The following ARL15 variants were observed in gnomAD, a reference collection of about 807,000 sequenced individuals.
The protein encoded by ARL15 is ARF like GTPase 15.
ARL15 carries 19 observed loss-of-function variants against 25.2 expected under a neutral mutation model. The observed-to-expected ratio is 0.75, with a 90% CI of 0.53 to 1.10. ARL15 has a LOEUF of 1.10. Among genes scored for constraint, ARL15 ranks in the 50% least tolerant of loss-of-function variants. The pLI, the probability that ARL15 is intolerant of heterozygous loss-of-function variation, is 0.00. For synonymous variants in ARL15, 94 were observed against 86.8 expected (o/e 1.08, Z -0.46); for missense variants, 220 against 246.0 (o/e 0.89, Z 0.71).
Position 54,055,290 on chromosome 5 carries a change from A to G in ARL15, c.462+57912T>C, listed in dbSNP as rs574139118. Among the ~76,000 whole-genome samples the G allele has an allele frequency of 9.2e-4, 137 of 149,650 alleles. 1 individual carries two copies. Among genetic ancestry groups the G allele is most frequent in the Admixed American group, 1.9e-3 (29 of 15,044 alleles). ...TGGCCTTTTGTAAATGACTTTCTTC[A>G]CTTAGCATAATGTTTCCAAGGTTCA... is the stretch of plus-strand genomic sequence containing the variant. On this transcript the variant is annotated intron_variant, in intron 4 of 4. Coordinates refer to ENST00000504924, the MANE Select transcript of ARL15 (RefSeq NM_019087.3).
chr5:53,920,194 T>C (rs1400651729), intron 4 of ARL15, among the ~76,000 whole-genome samples: 2 of 152,196 alleles, frequency 1.3e-5, no homozygotes, highest in Admixed American at 1.3e-4. Flanking sequence ...GGGGTCTATT[T>C]TACCCAAATT....
chr5:53,965,426 C>T (rs895276995), intron 4 of ARL15, among the ~76,000 whole-genome samples: 10 of 152,224 alleles, frequency 6.6e-5, no homozygotes, highest in African/African-American at 2.2e-4. Flanking sequence ...TGATTGACAA[C>T]AGTTGACATT....
intron 1 of ARL15, among the ~76,000 whole-genome samples, chr5:54,174,864 C>T (rs893501369): frequency 1.3e-5 from 2 of 152,200 alleles, no homozygotes; most frequent in African/African-American, 4.8e-5. Context: ...TGGTCTTCCA[C>T]ATTCAATTAG....
At chr5:53,950,674 CT>C (rs989514119) in intron 4 of ARL15, among the ~76,000 whole-genome samples, 11 of 149,802 alleles carry the variant, frequency 7.3e-5, no homozygotes, top group African/African-American at 2.0e-4. Flanking sequence ...CTTCTCCATG[CT>C]TTTTTTTTTC....
At chr5:54,109,902 G>C (rs1752691588) in intron 4 of ARL15, among the ~76,000 whole-genome samples, 3 of 151,844 alleles carry the variant, frequency 2.0e-5, no homozygotes, top group African/African-American at 7.2e-5. Flanking sequence ...AGTATGTAAA[G>C]GGTGTTCTTT....
At chr5:54,129,007 C>G (rs1280218188) in intron 3 of ARL15, among the ~76,000 whole-genome samples, 2 of 152,026 alleles carry the variant, frequency 1.3e-5, no homozygotes, top group Admixed American at 6.6e-5. Flanking sequence ...CCTGGCCTTA[C>G]TATTTTGATT....
chr5:53,985,231 T>G (rs1253801242), intron 4 of ARL15, among the ~76,000 whole-genome samples: 1 of 152,158 alleles, frequency 6.6e-6, no homozygotes, highest in Non-Finnish European at 1.5e-5. Context: ...TCACTCCCTC[T>G]GCTCACACTC....
At chr5:54,071,186 A>G (rs1462624363) in intron 4 of ARL15, among the ~76,000 whole-genome samples, 1 of 152,040 alleles carries the variant, frequency 6.6e-6, no homozygotes, top group Non-Finnish European at 1.5e-5. Context: ...AAAAAAAGAA[A>G]TACATTTCTT....
intron 4 of ARL15, among the ~76,000 whole-genome samples, chr5:54,072,858 C>A (rs1579766820): frequency 6.6e-6 from 1 of 152,248 alleles, no homozygotes; most frequent in East Asian, 1.9e-4. Flanking sequence ...ATTGGGTACA[C>A]CTTCTATTCT....
chr5:54,027,113 C>G (rs1011709717), intron 4 of ARL15, among the ~76,000 whole-genome samples: 1 of 152,122 alleles, frequency 6.6e-6, no homozygotes, highest in Non-Finnish European at 1.5e-5. Context: ...TGTGGTGTTT[C>G]TAAAAATTTA....
chr5:54,132,632 C>A (rs895154830), intron 3 of ARL15, among the ~76,000 whole-genome samples: 4 of 152,040 alleles, frequency 2.6e-5, no homozygotes, highest in Non-Finnish European at 5.9e-5. Context: ...AATGGCTACT[C>A]CATAGATAGG....
chr5:54,070,129 G>A (rs181217054), intron 4 of ARL15, among the ~76,000 whole-genome samples: 2 of 149,230 alleles, frequency 1.3e-5, no homozygotes, highest in East Asian at 2.2e-4. Context: ...GGTGGCTCAC[G>A]CCAGTAATCC....
At chr5:54,263,987 C>T (rs1405806292) in intron 1 of ARL15, among the ~76,000 whole-genome samples, 2 of 152,078 alleles carry the variant, frequency 1.3e-5, no homozygotes, top group Non-Finnish European at 2.9e-5. Context: ...TTTACCTCTA[C>T]CAACTCCTTC....
At chr5:54,087,795 C>A (rs1273405265) in intron 4 of ARL15, among the ~76,000 whole-genome samples, 1 of 21,194 alleles carries the variant, frequency 4.7e-5, no homozygotes, top group Non-Finnish European at 1.7e-4. Flanking sequence ...CCTGCCTCAA[C>A]CTCCTGAGTA....
chr5:54,072,507 TG>T (rs1474523729), intron 4 of ARL15, among the ~76,000 whole-genome samples: 26 of 152,318 alleles, frequency 1.7e-4, no homozygotes, highest in African/African-American at 5.5e-4. Flanking sequence ...TATCATCATG[TG>T]GTCTAAATGT....
At chr5:53,940,443 G>A (rs985225252) in intron 4 of ARL15, among the ~76,000 whole-genome samples, 1 of 152,184 alleles carries the variant, frequency 6.6e-6, no homozygotes, top group African/African-American at 2.4e-5. Context: ...AAGAGATTAA[G>A]AGTAGTAATC....
chr5:54,253,787 G>A (rs571390747), intron 1 of ARL15, among the ~76,000 whole-genome samples: 2 of 152,138 alleles, frequency 1.3e-5, no homozygotes, highest in African/African-American at 4.8e-5. Flanking sequence ...GACAGGATTC[G>A]TCATCTTGCC....
intron 4 of ARL15, among the ~76,000 whole-genome samples, chr5:53,996,353 T>TGTA (rs1748670535): frequency 2.0e-5 from 3 of 152,144 alleles, no homozygotes; most frequent in Non-Finnish European, 4.4e-5. Context: ...GTGCAGTGGC[T>TGTA]CACACCTGTA....
At chr5:54,149,989 T>C (rs1005889439) in intron 3 of ARL15, among the ~76,000 whole-genome samples, 1 of 152,220 alleles carries the variant, frequency 6.6e-6, no homozygotes, top group Non-Finnish European at 1.5e-5. Context: ...CCTTGGATGG[T>C]ATTAGAAAAC....
Sources: allele counts gnomAD v4.1 joint callset (sites outside exome capture counted in the v4.1 genomes callset), GRCh38; gene constraint gnomAD v4.1.1; transcripts MANE v1.5; gene names NCBI Gene and HGNC (gene_info 2026-07-23, HGNC 2026-07-21).